The following ITSN2 variants were observed in gnomAD, a reference collection of about 807,000 sequenced individuals.
The protein encoded by ITSN2 is intersectin 2.
In ITSN2, 156 loss-of-function variants were observed where a neutral mutation model predicts 243.7. The ratio of observed to expected loss-of-function variants is 0.64; its 90% CI spans 0.56 to 0.73. The LOEUF is 0.73. Among genes scored for constraint, ITSN2 ranks in the 30% least tolerant of loss-of-function variants. The pLI, the probability that ITSN2 is intolerant of heterozygous loss-of-function variation, is 0.00. For missense variants in ITSN2, 1,801 were observed against 1,996.1 expected, an observed-to-expected ratio of 0.90 and a Z score of 1.86; for synonymous variants, 703 against 699.9, an observed-to-expected ratio of 1.00 and a Z score of -0.07.
chr2:24,205,407 T>C, intron 37 of ITSN2, 110 bp from the exon 38 acceptor site: 1 of 872,128 alleles, frequency 1.1e-6, no homozygotes, highest in Non-Finnish European at 1.9e-6. Flanking sequence ...GCCACTGCCC[T>C]GGGCCCAACA....
At chr2:24,279,222 G>A (rs945567643) in intron 17 of ITSN2, among the ~76,000 whole-genome samples, 9 of 152,158 alleles carry the variant, frequency 5.9e-5, no homozygotes, top group African/African-American at 1.9e-4. Context: ...GCCACCTGCA[G>A]GGGTATTACT....
At chr2:24,322,536 T>G (rs550758542) in intron 2 of ITSN2, among the ~76,000 whole-genome samples, 9 of 152,236 alleles carry the variant, frequency 5.9e-5, no homozygotes, top group Non-Finnish European at 1.0e-4. Flanking sequence ...GATATCCATA[T>G]GAAAAAACAA....
chr2:24,309,670 T>C (rs1298986546), intron 7 of ITSN2, among the ~76,000 whole-genome samples: 1 of 152,130 alleles, frequency 6.6e-6, no homozygotes, highest in African/African-American at 2.4e-5. Context: ...ATATTTCTAA[T>C]CCTCCCAACA....
At chr2:24,251,349 G>A (rs867723366) in intron 25 of ITSN2, among the ~76,000 whole-genome samples, 91 of 2,944 alleles carry the variant, frequency 0.031, 35 homozygotes, top group African/African-American at 0.097. Flanking sequence ...ATATATATAT[G>A]TGTGTGTGTG....
Position 24,275,862 on chromosome 2 carries a change from A to G in ITSN2, c.1945-13T>C. ...TTTCTCTCAGTTCCTAAGGAGAAAA[A>G]GAAAATAAGTCAATACGTGAATGAT... On this transcript the variant is annotated splice_polypyrimidine_tract_variant and intron_variant, in intron 17 of 39. Transcript: ENST00000355123. The G allele has an allele frequency of 1.9e-6, 3 of 1,577,170 alleles. No individual in the cohort carries two copies. The highest frequency in any genetic ancestry group is 2.6e-6 in the Non-Finnish European group (3 of 1,161,548).
intron 22 of ITSN2, among the ~76,000 whole-genome samples, chr2:24,259,920 T>G (rs1229886450): frequency 1.3e-5 from 2 of 152,214 alleles, no homozygotes; most frequent in Non-Finnish European, 2.9e-5. Context: ...GGTGAGTTTC[T>G]GGTTTTTAAA....
chr2:24,263,517 C>A (rs1158127787), intron 20 of ITSN2, among the ~76,000 whole-genome samples: 2 of 152,304 alleles, frequency 1.3e-5, no homozygotes, highest in East Asian at 3.9e-4. Flanking sequence ...AGATAGCCAA[C>A]ACTTCCATCA....
At chr2:24,240,659 TCTAA>T (rs1672621309) in intron 29 of ITSN2, 1 of 152,186 alleles carries the variant, frequency 6.6e-6, no homozygotes, top group South Asian at 2.1e-4. Flanking sequence ...AAAATATGCC[TCTAA>T]CTGAAACTGA....
chr2:24,292,296 T>G (rs1216821916), intron 15 of ITSN2, among the ~76,000 whole-genome samples: 1 of 152,142 alleles, frequency 6.6e-6, no homozygotes, highest in Non-Finnish European at 1.5e-5. Context: ...ATTCTACATT[T>G]TATTCACAAT....
chr2:24,267,720 A>G (rs531094772), intron 20 of ITSN2, among the ~76,000 whole-genome samples: 1 of 152,050 alleles, frequency 6.6e-6, no homozygotes, highest in South Asian at 2.1e-4. Flanking sequence ...AAGCCCCGCT[A>G]ATTTTTTTTT....
intron 29 of ITSN2, among the ~76,000 whole-genome samples, chr2:24,238,243 C>T (rs539171929): frequency 6.6e-6 from 1 of 152,324 alleles, no homozygotes; most frequent in East Asian, 1.9e-4. Flanking sequence ...CTAATCCCCT[C>T]AAAGAACTAT....
At chr2:24,247,437 G>A (rs1055413049) in intron 27 of ITSN2, among the ~76,000 whole-genome samples, 4 of 152,150 alleles carry the variant, frequency 2.6e-5, no homozygotes, top group Non-Finnish European at 5.9e-5. Context: ...GCAATAAACT[G>A]CAACATGAGT....
Position 24,204,651 on chromosome 2 carries a change from A to G in ITSN2, c.4763-233T>C, listed in dbSNP as rs1290315239. 1.6e-6 allele frequency: 1 copy of G among 628,510 alleles called. No homozygotes were observed. The highest frequency in any genetic ancestry group is 1.8e-5 in the African/African-American group (1 of 55,594). 38.9% of individuals were successfully genotyped at this position (628,510 alleles called of 1,614,324 possible). ...GGCCGAGAGCTCCACCGCCAGGACCACTCCGCACGGAACAATCCTGGGTGA... is the reference window on the plus strand; with the variant it reads ...GGCCGAGAGCTCCACCGCCAGGACCGCTCCGCACGGAACAATCCTGGGTGA... On this transcript the variant is annotated intron_variant, in intron 38 of 39. Transcript: ENST00000355123. The surrounding 1 kb of genome is among the most constrained non-coding windows in gnomAD (Gnocchi z 5.1).
chr2:24,288,471 G>A (rs1184149819), intron 15 of ITSN2, among the ~76,000 whole-genome samples: 2 of 151,968 alleles, frequency 1.3e-5, no homozygotes, highest in East Asian at 3.9e-4. Flanking sequence ...ATTAACATAT[G>A]CATAATTTAG....
At chr2:24,341,845 T>C (rs1406393158) in intron 1 of ITSN2, among the ~76,000 whole-genome samples, 6 of 151,986 alleles carry the variant, frequency 3.9e-5, no homozygotes, top group Non-Finnish European at 2.9e-5. Flanking sequence ...CAGAGCAAGA[T>C]TTCCTCTCAA....
At chr2:24,236,382 CAG>C (rs1672152588) in intron 29 of ITSN2, among the ~76,000 whole-genome samples, 1 of 152,114 alleles carries the variant, frequency 6.6e-6, no homozygotes, top group South Asian at 2.1e-4. Flanking sequence ...CTAAATTGTA[CAG>C]AGATTCATTT....
Position 24,257,971 on chromosome 2 carries a change from C to T in ITSN2, c.2805G>A (p.Trp935Ter), listed in dbSNP as rs376802389. The part of the protein sequence containing the change: ...ITVLEQQENW[W>*]FGEVHGGRGW... ...CTCTTCCTCCATGCACCTCCCCAAA[C>T]CACCAATTTTCTTGCTGCTCCAAGA... The change falls in exon 23 of 40, where the codon TGG becomes TGA. Residue 935 changes from tryptophan (W) to a stop codon, truncating the protein, a stop_gained. Coordinates refer to ENST00000355123, the MANE Select transcript of ITSN2 (RefSeq NM_006277.3). LOFTEE classifies it high-confidence loss of function. 1 of 1,614,098 alleles carries T rather than the reference C, an allele frequency of 6.2e-7. No individual in the cohort carries two copies. The highest frequency in any genetic ancestry group is 1.7e-5 in the Admixed American group (1 of 60,012).
chr2:24,322,916 C>A (rs539183805), intron 2 of ITSN2, among the ~76,000 whole-genome samples: 4 of 151,618 alleles, frequency 2.6e-5, no homozygotes, highest in Admixed American at 6.6e-5. Flanking sequence ...AAGATTTGAA[C>A]AGACACATCA....
At chr2:24,248,963 AT>A (rs1673763045) in intron 25 of ITSN2, 81 bp from the exon 26 acceptor site, 2 of 1,319,456 alleles carry the variant, frequency 1.5e-6, no homozygotes, top group Non-Finnish European at 2.2e-6. Flanking sequence ...GGAATTAGAG[AT>A]TTCAAATTCC....
Sources: allele counts gnomAD v4.1 joint callset (sites outside exome capture counted in the v4.1 genomes callset), GRCh38; gene constraint gnomAD v4.1.1; non-coding constraint Gnocchi (gnomAD v3.1); transcripts MANE v1.5; gene names NCBI Gene and HGNC (gene_info 2026-07-23, HGNC 2026-07-21).